CDKN3: variants seen among roughly 807,000 people sequenced by gnomAD.
The protein encoded by CDKN3 is cyclin-dependent kinase inhibitor 3.
Under a neutral mutation model 36.1 loss-of-function variants are expected in CDKN3, and 19 were observed. That is an observed-to-expected ratio of 0.53 (90% CI 0.37 to 0.77). The LOEUF (loss-of-function observed/expected upper bound fraction) is 0.77. Ranked by LOEUF, CDKN3 falls within the 30% of genes least tolerant of loss-of-function variation. CDKN3 has a pLI of 0.00. For missense variants in CDKN3, 188 were observed against 248.6 expected (o/e 0.76, Z 1.64); for synonymous variants, 71 against 85.3 (o/e 0.83, Z 0.92).
chr14:54,408,869 A>G, intron 4 of CDKN3, 80 bp downstream of exon 4: 1 of 1,447,226 alleles, frequency 6.9e-7, no homozygotes, highest in Non-Finnish European at 9.1e-7. Context: ...AAAAGAACAA[A>G]TCAGTTTTTT....
intron 6 of CDKN3, among the ~76,000 whole-genome samples, chr14:54,416,849 A>C (rs1384868548): frequency 1.3e-5 from 2 of 152,156 alleles, no homozygotes; most frequent in South Asian, 2.1e-4. Flanking sequence ...AACAAACAAC[A>C]TAACTGAAAA....
rs1410036585 is a variant in CDKN3, at chr14:54,413,659, C to T, written c.416+1953C>T. The T allele has an allele frequency of 2.6e-6, 4 of 1,535,280 alleles. No individual in the cohort carries two copies. In the South Asian group the frequency reaches 3.6e-5, roughly 14 times the overall value. On this transcript the variant is annotated intron_variant, in intron 5 of 7. Transcript: ENST00000335183. The stretch of plus-strand genomic sequence containing the variant: ...GTTTATTTTCTATCCATTCTGCCAT[C>T]TTTGAGGACCCACACTTCTAGACAG...
intron 6 of CDKN3, among the ~76,000 whole-genome samples, chr14:54,417,467 A>G (rs1246545844): frequency 3.3e-5 from 5 of 152,236 alleles, no homozygotes; most frequent in African/African-American, 9.6e-5. Flanking sequence ...GACAAAGTAC[A>G]CTAGTGGTTG....
chr14:54,400,127 A>G, intron 2 of CDKN3, 151 bp downstream of exon 2: 1 of 606,752 alleles, frequency 1.6e-6, no homozygotes. Flanking sequence ...TCTAATCATT[A>G]AAGGATCTTC....
chr14:54,411,194 AAAAG>A, intron 4 of CDKN3: 2 of 300,748 alleles, frequency 6.7e-6, no homozygotes, highest in Non-Finnish European at 6.2e-6. Context: ...AAAAAAAAAA[AAAAG>A]AGGGGGGGTT....
At chr14:54,412,795 G>A (rs1433932834) in intron 5 of CDKN3, 2 of 471,848 alleles carry the variant, frequency 4.2e-6, no homozygotes, top group Admixed American at 2.2e-5. Flanking sequence ...CGTGCATAAT[G>A]TATATTTCAT....
intron 4 of CDKN3, among the ~76,000 whole-genome samples, chr14:54,410,137 A>G (rs2030300923): frequency 6.6e-6 from 1 of 152,076 alleles, no homozygotes. Flanking sequence ...ACAGTTTCCA[A>G]TTTTTTTCAA....
At chr14:54,398,987 CTTT>C (rs113342693) in intron 1 of CDKN3, among the ~76,000 whole-genome samples, 9 of 109,262 alleles carry the variant, frequency 8.2e-5, no homozygotes, top group African/African-American at 2.8e-4. Context: ...TTTCTTCTTC[CTTT>C]TTTTTTTTTT....
Position 54,411,618 on chromosome 14 carries a change from G to A in CDKN3, c.328G>A (p.Asp110Asn), listed in dbSNP as rs1021871063. The change falls in exon 5 of 8, where the codon GAT becomes AAT. Residue 110 changes from aspartate to asparagine, a missense_variant. Asp to Asn is a conservative substitution (Grantham distance 23). Transcript: ENST00000335183. Reference protein sequence around the residue: ...GIITHHHPIADGGTPDIASCC... With the variant: ...GIITHHHPIANGGTPDIASCC... ...TATCACCCATCATCATCCAATCGCA[G>A]ATGGAGGGACTCCTGACATAGCCAG... is the stretch of plus-strand genomic sequence containing the variant. The A allele has an allele frequency of 6.8e-6, 11 of 1,613,458 alleles. No individual in the cohort carries two copies. The highest frequency in any genetic ancestry group is 1.7e-5 in the Admixed American group (1 of 59,996).
rs533167499 is a variant in CDKN3 at position 54,414,999 on chromosome 14, C to CTACAATACAATACAA, written c.417-890_417-876dup. On this transcript the variant is annotated intron_variant, in intron 5 of 7. Coordinates refer to ENST00000335183, the MANE Select transcript of CDKN3 (RefSeq NM_005192.4). ...GCAAAATATATATCTACAGCTTTACCTACAATACAATACAATACAATACAG... is the reference window on the plus strand; with the variant it reads ...GCAAAATATATATCTACAGCTTTACCTACAATACAATACAATACAATACAATACAATACAATACAG... 6.3e-4 allele frequency among the ~76,000 whole-genome samples: 96 copies of CTACAATACAATACAA among 152,084 alleles called. 1 individual carries two copies. Among genetic ancestry groups the CTACAATACAATACAA allele is most frequent in the African/African-American group, 1.7e-3 (72 of 41,414 alleles).
intron 3 of CDKN3, among the ~76,000 whole-genome samples, 190 bp downstream of exon 3, chr14:54,401,769 T>C (rs1470973179): frequency 6.6e-6 from 1 of 152,180 alleles, no homozygotes; most frequent in Non-Finnish European, 1.5e-5. Context: ...TCTTTTATCC[T>C]TCATCCCCCT....
At chr14:54,408,873 GTT>G (rs4251625) in intron 4 of CDKN3, 84 bp downstream of exon 4, 59 of 1,417,178 alleles carry the variant, frequency 4.2e-5, no homozygotes, top group Non-Finnish European at 5.1e-5. Context: ...GAACAAATCA[GTT>G]TTTTTTTAAT....
chr14:54,417,960 G>A lies in CDKN3; in HGVS notation c.552+9G>A. 2.0e-6 allele frequency: 3 copies of A among 1,512,000 alleles called. No individual in the cohort carries two copies. Among genetic ancestry groups the A allele is most frequent in the Non-Finnish European group, 2.7e-6 (3 of 1,101,822 alleles). 93.7% of individuals were successfully genotyped at this position (1,512,000 alleles called of 1,614,324 possible). A position where few individuals can be genotyped will look rare whatever the true frequency, so the allele number is the denominator to read the frequency against. ...CAATACAGACCATCAAGGTGAGGAG[G>A]TGGGCGGTGCTTGCTTGGTTGTGGT... On this transcript the variant is annotated intron_variant, in intron 7 of 7. Coordinates refer to ENST00000335183, the MANE Select transcript of CDKN3 (RefSeq NM_005192.4).
At chr14:54,419,760 ACATTT>A (rs1333889698) in intron 7 of CDKN3, among the ~76,000 whole-genome samples, 1 of 152,244 alleles carries the variant, frequency 6.6e-6, no homozygotes, top group African/African-American at 2.4e-5. Context: ...ATATCCATCT[ACATTT>A]CATTTCACCT....
At chr14:54,400,736 A>C (rs1222900189) in intron 2 of CDKN3, among the ~76,000 whole-genome samples, 1 of 152,212 alleles carries the variant, frequency 6.6e-6, no homozygotes, top group Non-Finnish European at 1.5e-5. Context: ...CCATTTAAAC[A>C]CAAAAATTCA....
chr14:54,414,922 C>A (rs1453519334), intron 5 of CDKN3, among the ~76,000 whole-genome samples: 1 of 152,040 alleles, frequency 6.6e-6, no homozygotes, highest in Middle Eastern at 3.2e-3. Context: ...AGCAAGTTCA[C>A]GAGTAAGACT....
At chr14:54,404,257 G>A (rs776328676) in intron 3 of CDKN3, among the ~76,000 whole-genome samples, 3 of 151,770 alleles carry the variant, frequency 2.0e-5, no homozygotes, top group Non-Finnish European at 4.4e-5. Flanking sequence ...TTCCTGGGAG[G>A]GAAGAAGTCC....
At chr14:54,412,718 T>A in intron 5 of CDKN3, 1 of 345,340 alleles carries the variant, frequency 2.9e-6, no homozygotes, top group South Asian at 2.2e-5. Flanking sequence ...AAACAAGAGA[T>A]GCTCTGCCGG....
chr14:54,411,176 CAAA>C (rs376186329), intron 4 of CDKN3: 1,385 of 123,010 alleles, frequency 0.011, no homozygotes, highest in South Asian at 0.033. Context: ...GACTCCATCT[CAAA>C]AAAAAAAAAA....
Sources: allele counts gnomAD v4.1 joint callset (sites outside exome capture counted in the v4.1 genomes callset), GRCh38; gene constraint gnomAD v4.1.1; transcripts MANE v1.5; gene names NCBI Gene and HGNC (gene_info 2026-07-23, HGNC 2026-07-21).